GPR158: variants seen among roughly 807,000 people sequenced by gnomAD.
The protein encoded by GPR158 is G protein-coupled receptor 158.
A neutral mutation model predicts 78.2 loss-of-function variants in GPR158; 30 were observed. The observed-to-expected ratio is 0.38, with a 90% CI of 0.29 to 0.52. The LOEUF is 0.52. GPR158 is among the 20% of genes least tolerant of loss of function. GPR158 has a pLI of 0.83. For missense variants in GPR158, 1,463 were observed against 1,523.5 expected (o/e 0.96, Z 0.66); for synonymous variants, 581 against 591.1 (o/e 0.98, Z 0.25).
At chr10:25,568,057 T>C (rs1588916168) in intron 6 of GPR158, among the ~76,000 whole-genome samples, 2 of 152,200 alleles carry the variant, frequency 1.3e-5, no homozygotes, top group East Asian at 3.8e-4. Flanking sequence ...TTCTGCTTTG[T>C]ACAGTTAGAT....
chr10:25,205,338 C>A (rs1853009683), intron 1 of GPR158, among the ~76,000 whole-genome samples: 2 of 148,492 alleles, frequency 1.3e-5, no homozygotes, highest in South Asian at 4.3e-4. Flanking sequence ...AAAACCTACT[C>A]CTGGATTCAT....
rs187719728 is a variant in GPR158 at position 25,514,745 on chromosome 10, A to G, written c.1405-36231A>G. ...TCTCTTAGCATTTGTTTGTCTGTAA[A>G]ACACTGTTTCTTTCCTTCATTTATG... On this transcript the variant is annotated intron_variant, in intron 5 of 10. Coordinates refer to ENST00000376351, the MANE Select transcript of GPR158 (RefSeq NM_020752.3). Among the ~76,000 whole-genome samples, 204 of 152,150 alleles carry G rather than the reference A, an allele frequency of 1.3e-3. 1 individual carries two copies. Among genetic ancestry groups the G allele is most frequent in the African/African-American group, 4.8e-3 (201 of 41,524 alleles).
At chr10:25,460,171 TATA>T (rs1452819142) in intron 4 of GPR158, among the ~76,000 whole-genome samples, 1 of 152,144 alleles carries the variant, frequency 6.6e-6, no homozygotes, top group African/African-American at 2.4e-5. Context: ...ATTTGCATAT[TATA>T]ATACCAAATC....
chr10:25,387,404 C>A (rs1357345977), intron 2 of GPR158, among the ~76,000 whole-genome samples: 1 of 152,076 alleles, frequency 6.6e-6, no homozygotes, highest in Non-Finnish European at 1.5e-5. Flanking sequence ...CATCAATATT[C>A]ATCAGGAATA....
intron 1 of GPR158, among the ~76,000 whole-genome samples, chr10:25,186,960 A>AT (rs1172184108): frequency 0.037 from 4,379 of 119,216 alleles, 290 homozygotes; most frequent in African/African-American, 0.093. Flanking sequence ...TCCCTAACTC[A>AT]TTTTTTTTTT....
At chr10:25,209,663 TG>T (rs1340520370) in intron 1 of GPR158, among the ~76,000 whole-genome samples, 1 of 152,252 alleles carries the variant, frequency 6.6e-6, no homozygotes, top group East Asian at 1.9e-4. Context: ...TTTTAATCTT[TG>T]GCTCCAAAAT....
intron 6 of GPR158, among the ~76,000 whole-genome samples, chr10:25,565,553 G>A (rs942376064): frequency 1.3e-5 from 2 of 151,934 alleles, no homozygotes; most frequent in Admixed American, 1.3e-4. Flanking sequence ...CCAGCTGCTA[G>A]ATAGTTCTAT....
At chr10:25,436,814 G>T (rs1835003405) in intron 4 of GPR158, among the ~76,000 whole-genome samples, 1 of 152,224 alleles carries the variant, frequency 6.6e-6, no homozygotes, top group Non-Finnish European at 1.5e-5. Context: ...TGACTAGACA[G>T]TGACAGTTAA....
chr10:25,448,374 G>C (rs966253968), intron 4 of GPR158, among the ~76,000 whole-genome samples: 3 of 152,162 alleles, frequency 2.0e-5, no homozygotes, highest in Non-Finnish European at 2.9e-5. Flanking sequence ...ACAGGCGTGA[G>C]CCACCACGGC....
intron 5 of GPR158, 96 bp downstream of exon 5, chr10:25,466,815 C>T: frequency 1.8e-6 from 1 of 547,300 alleles, no homozygotes; most frequent in Non-Finnish European, 3.1e-6. Flanking sequence ...CATACACACA[C>T]CCTGGTGTTA....
At chr10:25,429,074 G>T (rs1027878691) in intron 4 of GPR158, among the ~76,000 whole-genome samples, 3 of 151,866 alleles carry the variant, frequency 2.0e-5, no homozygotes, top group African/African-American at 7.3e-5. Flanking sequence ...TAACATTCAG[G>T]GTTTCTACAG....
chr10:25,521,220 G>T (rs1448784556), intron 5 of GPR158, among the ~76,000 whole-genome samples: 1 of 152,170 alleles, frequency 6.6e-6, no homozygotes, highest in African/African-American at 2.4e-5. Flanking sequence ...GCCCTGCTTC[G>T]GCTCGCGCAC....
rs1852540637 is a variant in GPR158 at position 25,176,697 on chromosome 10, C to T, written c.902+375C>T. 1.3e-5 allele frequency among the ~76,000 whole-genome samples: 2 copies of T among 152,198 alleles called. No individual in the cohort carries two copies. Among genetic ancestry groups the T allele is most frequent in the African/African-American group, 2.4e-5 (1 of 41,458 alleles). ...GGCGATGCGACAACTTGGCGAGCGC[C>T]GGGTGTGTCCGCGGAGTGGCAAGCC... On this transcript the variant is annotated intron_variant, in intron 1 of 10. Transcript: ENST00000376351. The surrounding 1 kb of genome is among the most constrained non-coding windows in gnomAD (Gnocchi z 6.3).
At chr10:25,217,636 G>C (rs930124965) in intron 1 of GPR158, among the ~76,000 whole-genome samples, 2 of 152,168 alleles carry the variant, frequency 1.3e-5, no homozygotes, top group African/African-American at 4.8e-5. Context: ...GAAGAGAAGA[G>C]TCAAGATACA....
chr10:25,405,029 A>G (rs12766749), intron 3 of GPR158, among the ~76,000 whole-genome samples: 14,719 of 152,114 alleles, frequency 0.097, 760 homozygotes, highest in East Asian at 0.17. Context: ...GGTTGAATCT[A>G]GACAAGTAAC....
chr10:25,382,578 T>C (rs956557244), intron 2 of GPR158, among the ~76,000 whole-genome samples: 1 of 152,090 alleles, frequency 6.6e-6, no homozygotes, highest in Non-Finnish European at 1.5e-5. Context: ...AATACTGCAT[T>C]ATTTGTTATT....
intron 2 of GPR158, among the ~76,000 whole-genome samples, chr10:25,299,541 G>C (rs1022603985): frequency 6.6e-6 from 1 of 151,302 alleles, no homozygotes; most frequent in African/African-American, 2.4e-5. Context: ...TATCCTTTAG[G>C]TTCCTCCATT....
intron 4 of GPR158, among the ~76,000 whole-genome samples, chr10:25,455,555 G>T (rs183430788): frequency 2.6e-5 from 4 of 152,146 alleles, no homozygotes; most frequent in African/African-American, 9.6e-5. Context: ...TTAGAGCAAA[G>T]GATTCATCAC....
rs187597930 is a variant in GPR158 at position 25,433,908 on chromosome 10, C to T, written c.1335+21435C>T. 5.5e-3 allele frequency among the ~76,000 whole-genome samples: 840 copies of T among 151,826 alleles called. 11 individuals are homozygous for T. Among genetic ancestry groups the T allele is most frequent in the African/African-American group, 0.02 (813 of 41,404 alleles). ...GGCGCGGTGGCTCACGCCTGTAATCCCAGCACTTTGGGAGGCCGAGGTGGG... is the reference window on the plus strand; with the variant it reads ...GGCGCGGTGGCTCACGCCTGTAATCTCAGCACTTTGGGAGGCCGAGGTGGG... On this transcript the variant is annotated intron_variant, in intron 4 of 10. Coordinates refer to ENST00000376351, the MANE Select transcript of GPR158 (RefSeq NM_020752.3).
Sources: gnomAD v4.1 joint callset for allele counts (sites outside exome capture counted in the v4.1 genomes callset) on GRCh38, gnomAD v4.1.1 for gene constraint, Gnocchi (gnomAD v3.1) non-coding constraint, MANE v1.5 for transcripts, NCBI Gene and HGNC (gene_info 2026-07-23, HGNC 2026-07-21) for gene names.